Variants in PTCHD4 observed in about 807,000 individuals in gnomAD.
PTCHD4 encodes the protein patched domain containing 4.
Under a neutral mutation model 58.1 loss-of-function variants are expected in PTCHD4, and 33 were observed. The ratio of observed to expected loss-of-function variants is 0.57; its 90% CI spans 0.43 to 0.76. The LOEUF is 0.76. PTCHD4 is among the 30% of genes least tolerant of loss of function. PTCHD4 has a pLI of 0.00. For missense variants in PTCHD4, 1,058 were observed against 1,027.1 expected (o/e 1.03, Z -0.41); for synonymous variants, 478 against 409.6 (o/e 1.17, Z -2.02).
chr6:47,896,852 C>A (rs1184109661), intron 4 of PTCHD4, among the ~76,000 whole-genome samples: 1 of 152,016 alleles, frequency 6.6e-6, no homozygotes, highest in Non-Finnish European at 1.5e-5. Flanking sequence ...TGCAAATGTA[C>A]AGAGTTCTTT....
chr6:47,943,005 A>G (rs1766291342), intron 4 of PTCHD4, among the ~76,000 whole-genome samples: 1 of 152,192 alleles, frequency 6.6e-6, no homozygotes, highest in Admixed American at 6.5e-5. Context: ...ACCCCTCCGT[A>G]TGCAGTTTCA....
At chr6:48,108,603 A>C (rs1190475791) in intron 1 of PTCHD4, among the ~76,000 whole-genome samples, 1 of 151,778 alleles carries the variant, frequency 6.6e-6, no homozygotes, top group Non-Finnish European at 1.5e-5. Context: ...AAAGTATAAT[A>C]ATAATAAAAA....
chr6:47,967,607 T>C (rs115596476), intron 4 of PTCHD4, among the ~76,000 whole-genome samples: 1,570 of 152,342 alleles, frequency 0.01, 38 homozygotes, highest in African/African-American at 0.036. Context: ...GAAAAACTTG[T>C]TGTTTAGTGT....
chr6:48,007,419 C>T (rs929838475), intron 4 of PTCHD4, among the ~76,000 whole-genome samples: 2 of 152,146 alleles, frequency 1.3e-5, no homozygotes, highest in African/African-American at 2.4e-5. Flanking sequence ...ACCTAGAAGA[C>T]TTTCTGACCA....
At chr6:48,033,817 G>C (rs563617018) in intron 3 of PTCHD4, among the ~76,000 whole-genome samples, 1 of 152,108 alleles carries the variant, frequency 6.6e-6, no homozygotes, top group South Asian at 2.1e-4. Flanking sequence ...TTGATTTCAA[G>C]AGCCTGTGTT....
intron 4 of PTCHD4, among the ~76,000 whole-genome samples, chr6:47,976,690 AT>A (rs1248302883): frequency 2.3e-4 from 34 of 150,036 alleles, no homozygotes; most frequent in African/African-American, 7.8e-4. Context: ...AAATAAATAA[AT>A]AAATAAAAAT....
chr6:48,053,116 T>C (rs332566), intron 3 of PTCHD4, among the ~76,000 whole-genome samples: 131,431 of 152,052 alleles, frequency 0.86, 56,800 homozygotes, highest in Middle Eastern at 0.87. Context: ...AGGATCCTTA[T>C]ATGAATGAAT....
chr6:47,920,437 T>C (rs1765395527), intron 4 of PTCHD4, among the ~76,000 whole-genome samples: 1 of 152,184 alleles, frequency 6.6e-6, no homozygotes, highest in African/African-American at 2.4e-5. Flanking sequence ...AATTAAGCAT[T>C]GTATTCTGAA....
intron 1 of PTCHD4, among the ~76,000 whole-genome samples, chr6:48,110,109 T>A (rs560741484): frequency 1.3e-5 from 2 of 152,188 alleles, no homozygotes; most frequent in Non-Finnish European, 2.9e-5. Flanking sequence ...CCACTGAGTA[T>A]GTTTCAAAAG....
rs1300530391 is a variant in PTCHD4, at chr6:48,102,351, T to A, written c.-970+8698A>T. Among the ~76,000 whole-genome samples, 3 of 152,248 alleles carry A rather than the reference T, an allele frequency of 2.0e-5. No individual in the cohort carries two copies. The East Asian group carries it at 5.8e-4, about 29-fold the overall frequency. On this transcript the variant is annotated intron_variant, in intron 1 of 4. Transcript: ENST00000339488. ...CTTACAAATATCTGATTGAAAATTA[T>A]TCTTTATAGGGTTATCTTACCCTGA...
chr6:48,102,524 C>A (rs1196467135), intron 1 of PTCHD4, among the ~76,000 whole-genome samples: 2 of 152,162 alleles, frequency 1.3e-5, no homozygotes, highest in African/African-American at 4.8e-5. Flanking sequence ...GTCTACAGTT[C>A]CCAGCGTGAG....
At chr6:47,983,561 T>C (rs1767960450) in intron 4 of PTCHD4, among the ~76,000 whole-genome samples, 1 of 152,218 alleles carries the variant, frequency 6.6e-6, no homozygotes, top group African/African-American at 2.4e-5. Context: ...TTTCCAAGTT[T>C]AGTTTTTTAT....
chr6:47,888,998 T>G (rs1764287996), intron 4 of PTCHD4, among the ~76,000 whole-genome samples: 2 of 43,526 alleles, frequency 4.6e-5, no homozygotes, highest in South Asian at 9.5e-4. Flanking sequence ...CATCATTTTT[T>G]ATGGCTGCAT....
intron 1 of PTCHD4, among the ~76,000 whole-genome samples, chr6:48,100,904 C>G (rs1286383883): frequency 6.6e-6 from 1 of 151,828 alleles, no homozygotes; most frequent in Admixed American, 6.6e-5. Context: ...AACAAATAAC[C>G]TAAAATGTTT....
At chr6:48,036,620 G>A (rs985749880) in intron 3 of PTCHD4, among the ~76,000 whole-genome samples, 9 of 152,104 alleles carry the variant, frequency 5.9e-5, no homozygotes, top group Non-Finnish European at 1.2e-4. Flanking sequence ...CAGTACTTGT[G>A]TTCAAGGAAC....
chr6:48,023,751 C>T lies in PTCHD4; in HGVS notation c.418-14637G>A, dbSNP rs555738167. Among the ~76,000 whole-genome samples the T allele has an allele frequency of 5.3e-5, 8 of 152,226 alleles. No homozygotes were observed. The South Asian group carries it at 8.3e-4, about 16-fold the overall frequency. ...AATATTTTTTCTTCACAAATAACTACCTTTTTTAAAAAAGGTCAAAACTTT... is the reference window on the plus strand; with the variant it reads ...AATATTTTTTCTTCACAAATAACTATCTTTTTTAAAAAAGGTCAAAACTTT... On this transcript the variant is annotated intron_variant, in intron 3 of 4. Transcript: ENST00000339488.
chr6:48,099,312 G>A (rs1582137564), intron 1 of PTCHD4, among the ~76,000 whole-genome samples: 1 of 152,174 alleles, frequency 6.6e-6, no homozygotes, highest in Non-Finnish European at 1.5e-5. Flanking sequence ...GAAGAAGCAG[G>A]CCATCTAGCC....
intron 4 of PTCHD4, among the ~76,000 whole-genome samples, chr6:47,913,665 C>G (rs76418926): frequency 0.57 from 85,514 of 151,084 alleles, 25,379 homozygotes; most frequent in East Asian, 0.78. Context: ...AAGCAGTGAC[C>G]CCAGTGCACA....
Position 47,859,189 on chromosome 6 carries a change from C to A in PTCHD4, c.*19114G>T, listed in dbSNP as rs1029652571. On this transcript the variant is annotated 3_prime_UTR_variant, in exon 5 of 5. Transcript: ENST00000339488. ...CTTTTACTTCTTTAAGCCTGAGAAG[C>A]AGCAGGCTACCAATTGCTCCCATTT... Among the ~76,000 whole-genome samples, 3 of 152,032 alleles carry A rather than the reference C, an allele frequency of 2.0e-5. No homozygotes were observed. The highest frequency in any genetic ancestry group is 2.9e-5 in the Non-Finnish European group (2 of 67,988).
Sources: gnomAD v4.1 joint callset for allele counts (sites outside exome capture counted in the v4.1 genomes callset) on GRCh38, gnomAD v4.1.1 for gene constraint, MANE v1.5 for transcripts, NCBI Gene and HGNC (gene_info 2026-07-23, HGNC 2026-07-21) for gene names.